The following TENM3 variants were observed in gnomAD, a reference collection of about 807,000 sequenced individuals.
The protein encoded by TENM3 is teneurin-3.
In TENM3, 63 loss-of-function variants were observed where a neutral mutation model predicts 255.1. That is an observed-to-expected ratio of 0.25 (90% CI 0.20 to 0.30). The LOEUF (loss-of-function observed/expected upper bound fraction) is 0.30. Ranked by LOEUF, TENM3 falls within the 10% of genes least tolerant of loss-of-function variation. The pLI, the probability that TENM3 is intolerant of heterozygous loss-of-function variation, is 1.00. For synonymous variants in TENM3, 1,306 were observed against 1,322.3 expected, an observed-to-expected ratio of 0.99 and a Z score of 0.27; for missense variants, 2,929 against 3,461.1, an observed-to-expected ratio of 0.85 and a Z score of 3.86.
chr4:181,960,154 A>G, the TENM3 span, among the ~76,000 whole-genome samples: 1 of 152,242 alleles, frequency 6.6e-6, no homozygotes, highest in Non-Finnish European at 1.5e-5. Context: ...CAATTTGTGT[A>G]TATTCTTATA....
intron 4 of TENM3, among the ~76,000 whole-genome samples, chr4:182,623,960 A>T (rs1280043163): frequency 6.6e-6 from 1 of 152,172 alleles, no homozygotes; most frequent in Non-Finnish European, 1.5e-5. Flanking sequence ...CCCTGACTGC[A>T]TCGCCTGGAT....
the TENM3 span, among the ~76,000 whole-genome samples, chr4:181,930,463 C>A: frequency 6.6e-6 from 1 of 152,112 alleles, no homozygotes; most frequent in Non-Finnish European, 1.5e-5. Flanking sequence ...CAAGACTAAA[C>A]CAGGAAGAAG....
chr4:182,567,700 C>T (rs1008285259), intron 3 of TENM3, among the ~76,000 whole-genome samples: 2 of 152,048 alleles, frequency 1.3e-5, no homozygotes, highest in African/African-American at 4.8e-5. Flanking sequence ...AAAATTGCAG[C>T]TCATCCCTGC....
intron 1 of TENM3, among the ~76,000 whole-genome samples, chr4:182,161,979 A>G (rs1178375181): frequency 8.8e-6 from 1 of 114,190 alleles, no homozygotes; most frequent in African/African-American, 2.9e-5. Context: ...ATATATATAT[A>G]TATATATATA....
chr4:182,283,021 T>C (rs1760493286), intron 1 of TENM3, among the ~76,000 whole-genome samples: 1 of 152,136 alleles, frequency 6.6e-6, no homozygotes, highest in Non-Finnish European at 1.5e-5. Context: ...TTTAACAGTC[T>C]ACCGACAATT....
chr4:182,018,949 C>A, the TENM3 span, among the ~76,000 whole-genome samples: 1 of 152,190 alleles, frequency 6.6e-6, no homozygotes, highest in Non-Finnish European at 1.5e-5. Flanking sequence ...GGGGCACTGT[C>A]CAGATCACAG....
intron 1 of TENM3, among the ~76,000 whole-genome samples, chr4:182,154,140 T>TC (rs1750531958): frequency 6.8e-6 from 1 of 147,166 alleles, no homozygotes; most frequent in Admixed American, 6.8e-5. Flanking sequence ...GCTTTTTTTC[T>TC]TTTTTTTTTT....
chr4:181,700,464 A>G, the TENM3 span, among the ~76,000 whole-genome samples: 1 of 152,192 alleles, frequency 6.6e-6, no homozygotes, highest in Non-Finnish European at 1.5e-5. Context: ...TGATCTCATT[A>G]AGCATAGGCT....
chr4:181,553,042 G>A, the TENM3 span, among the ~76,000 whole-genome samples: 7 of 152,094 alleles, frequency 4.6e-5, no homozygotes, highest in African/African-American at 1.7e-4. Flanking sequence ...CACAAATCAT[G>A]TTTGATTTTT....
chr4:181,830,821 A>C, the TENM3 span, among the ~76,000 whole-genome samples: 2 of 152,108 alleles, frequency 1.3e-5, no homozygotes, highest in Non-Finnish European at 2.9e-5. Flanking sequence ...CCCGTCACCA[A>C]GTTTCCTGAG....
chr4:182,656,342 C>T (rs752955512), intron 6 of TENM3, among the ~76,000 whole-genome samples: 6 of 152,130 alleles, frequency 3.9e-5, no homozygotes, highest in Non-Finnish European at 5.9e-5. Flanking sequence ...TTACTTGAAT[C>T]GCCCCCAAAA....
chr4:182,544,423 C>G (rs190575115), intron 3 of TENM3, among the ~76,000 whole-genome samples: 7 of 149,012 alleles, frequency 4.7e-5, no homozygotes, highest in Non-Finnish European at 8.9e-5. Context: ...CTCTGCCTCC[C>G]GGGTTCAAGC....
At chr4:182,161,875 A>G (rs56408872) in intron 1 of TENM3, among the ~76,000 whole-genome samples, 1,166 of 8,300 alleles carry the variant, frequency 0.14, 220 homozygotes, top group Non-Finnish European at 0.27. Flanking sequence ...ATATATGTGT[A>G]TATATATACA....
At chr4:181,511,984 T>C in the TENM3 span, among the ~76,000 whole-genome samples, 4 of 152,080 alleles carry the variant, frequency 2.6e-5, no homozygotes, top group East Asian at 7.7e-4. Flanking sequence ...TCAAAAACCC[T>C]TCAGGGGACT....
At chr4:182,254,530 A>G (rs1298902027) in intron 1 of TENM3, among the ~76,000 whole-genome samples, 1 of 152,178 alleles carries the variant, frequency 6.6e-6, no homozygotes, top group East Asian at 1.9e-4. Context: ...AGTATTTTAT[A>G]TTCTTTCAGG....
At chr4:182,343,926 C>T (rs1001125947) in intron 2 of TENM3, among the ~76,000 whole-genome samples, 6 of 152,162 alleles carry the variant, frequency 3.9e-5, no homozygotes, top group Middle Eastern at 3.4e-3. Flanking sequence ...AGGTCTGGAG[C>T]AGGGATGTTT....
At chr4:182,166,219 A>G (rs1374652479) in intron 1 of TENM3, among the ~76,000 whole-genome samples, 1 of 152,242 alleles carries the variant, frequency 6.6e-6, no homozygotes, top group East Asian at 1.9e-4. Flanking sequence ...GCATGCTTTA[A>G]AACTCTGTTC....
the TENM3 span, among the ~76,000 whole-genome samples, chr4:181,910,468 G>A: frequency 6.6e-6 from 1 of 151,334 alleles, no homozygotes; most frequent in East Asian, 1.9e-4. Context: ...AACCTGGGAG[G>A]TGGAGGTTGC....
At chr4:182,725,544 C>G (rs553448346) in intron 13 of TENM3, among the ~76,000 whole-genome samples, 2 of 151,928 alleles carry the variant, frequency 1.3e-5, no homozygotes, top group East Asian at 3.9e-4. Context: ...CATTTTTCAT[C>G]TTCATGCCCT....
Sources: allele counts gnomAD v4.1 joint callset (sites outside exome capture counted in the v4.1 genomes callset), GRCh38; gene constraint gnomAD v4.1.1; transcripts MANE v1.5; gene names NCBI Gene and HGNC (gene_info 2026-07-23, HGNC 2026-07-21).